Variants in UPP2 observed in about 807,000 individuals in gnomAD.
UPP2 encodes uridine phosphorylase 2, also known as UPase 2.
Under a neutral mutation model 26.7 loss-of-function variants are expected in UPP2, and 23 were observed. The ratio of observed to expected loss-of-function variants is 0.86; its 90% confidence interval spans 0.62 to 1.22. The LOEUF (loss-of-function observed/expected upper bound fraction) is 1.22. Among genes scored for constraint, UPP2 ranks in the 50% most tolerant of loss-of-function variants. The pLI is 0.00. For synonymous variants in UPP2, 127 were observed against 141.3 expected (o/e 0.90, Z 0.72); for missense variants, 387 against 396.7 (o/e 0.98, Z 0.21).
chr2:158,128,162 T>A, intron 6 of UPP2: 1 of 321,936 alleles, frequency 3.1e-6, no homozygotes, highest in Non-Finnish European at 4.5e-6. Flanking sequence ...CTTCTATGTC[T>A]AGTTGTTTGC....
chr2:157,998,021 C>G (rs1485532904), intron 2 of UPP2, among the ~76,000 whole-genome samples: 1 of 152,056 alleles, frequency 6.6e-6, no homozygotes, highest in Non-Finnish European at 1.5e-5. Flanking sequence ...TTCTAAGGGT[C>G]TTTTTCATAA....
In UPP2 at chr2:158,085,713, G is replaced by T. The variant is rs371200478; in HGVS notation, c.148-16327G>T. Among the ~76,000 whole-genome samples, 18 of 152,106 alleles carry T rather than the reference G, an allele frequency of 1.2e-4. No individual in the cohort carries two copies. In the East Asian group the frequency reaches 3.5e-3, roughly 29 times the overall value. On this transcript the variant is annotated intron_variant, in intron 3 of 9. Coordinates refer to the UPP2 transcript ENST00000605860. The stretch of plus-strand genomic sequence containing the variant: ...TTTGCTGAGGGTTTTAATCATAAAG[G>T]GATGCTGGATTTTGTCAAATGCTTT...
At chr2:158,103,140 T>A (rs10211260) in intron 1 of UPP2, among the ~76,000 whole-genome samples, 43,835 of 152,132 alleles carry the variant, frequency 0.29, 8,253 homozygotes, top group Middle Eastern at 0.42. Flanking sequence ...AAATTTGGCA[T>A]GAAATCCCAA....
At chr2:158,069,014 TC>T (rs1402908181) in intron 3 of UPP2, among the ~76,000 whole-genome samples, 1 of 150,908 alleles carries the variant, frequency 6.6e-6, no homozygotes, top group African/African-American at 2.4e-5. Flanking sequence ...AGACGAGGTT[TC>T]ACTGTGTTAG....
chr2:158,056,204 T>C (rs1439764861), intron 3 of UPP2, among the ~76,000 whole-genome samples: 2 of 152,182 alleles, frequency 1.3e-5, no homozygotes, highest in Non-Finnish European at 2.9e-5. Context: ...TTTTAAAATA[T>C]ACTTTATTTT....
chr2:158,003,722 A>AT (rs1008246860), intron 2 of UPP2, among the ~76,000 whole-genome samples: 16 of 151,674 alleles, frequency 1.1e-4, no homozygotes, highest in East Asian at 3.9e-4. Context: ...AATAAAAAAA[A>AT]AAAAAAAAGA....
intron 3 of UPP2, among the ~76,000 whole-genome samples, chr2:158,059,999 T>G (rs1461820822): frequency 6.6e-6 from 1 of 152,162 alleles, no homozygotes; most frequent in African/African-American, 2.4e-5. Flanking sequence ...GTGAATAACT[T>G]ATAGGCATTA....
At chr2:158,113,968 T>TTG (rs1683370628) in intron 2 of UPP2, among the ~76,000 whole-genome samples, 2 of 152,246 alleles carry the variant, frequency 1.3e-5, no homozygotes, top group African/African-American at 4.8e-5. Flanking sequence ...GTGTCTGGAC[T>TTG]TGTGCAATGT....
chr2:158,009,377 T>C (rs531769678), intron 2 of UPP2, among the ~76,000 whole-genome samples: 24 of 152,302 alleles, frequency 1.6e-4, no homozygotes, highest in African/African-American at 5.8e-4. Flanking sequence ...ACCCCTAACA[T>C]TTTGTACAAG....
At chr2:158,065,427 G>A (rs1286522442) in intron 3 of UPP2, 2 of 253,050 alleles carry the variant, frequency 7.9e-6, no homozygotes, top group African/African-American at 2.3e-5. Context: ...CATACTCAAA[G>A]CACTGAGAAT....
chr2:158,040,298 T>C (rs116717526), intron 3 of UPP2, among the ~76,000 whole-genome samples: 5 of 152,188 alleles, frequency 3.3e-5, no homozygotes, highest in Admixed American at 3.3e-4. Flanking sequence ...GCCTCAGTTA[T>C]ATTGTTTGTA....
At chr2:158,092,208 T>G (rs13412267) in intron 3 of UPP2, among the ~76,000 whole-genome samples, 3,227 of 152,198 alleles carry the variant, frequency 0.021, 120 homozygotes, top group African/African-American at 0.07. Flanking sequence ...AGTGAGAATT[T>G]CCTAAAATTG....
Position 157,996,029 on chromosome 2 carries a change from T to A in UPP2, c.61+770T>A, listed in dbSNP as rs189950299. Among the ~76,000 whole-genome samples the A allele has an allele frequency of 3.3e-5, 5 of 152,348 alleles. No individual in the cohort carries two copies. The East Asian group carries it at 9.6e-4, about 29-fold the overall frequency. On this transcript the variant is annotated intron_variant, in intron 2 of 9. Transcript: ENST00000605860. ...ATATAGTCCCAGCTCAATGTGGGAA[T>A]GCCTGTTTGCATAAACCTGTTTTTA...
At chr2:158,009,715 C>T (rs376353756) in intron 2 of UPP2, among the ~76,000 whole-genome samples, 1 of 152,210 alleles carries the variant, frequency 6.6e-6, no homozygotes, top group East Asian at 1.9e-4. Context: ...AACAGGAATG[C>T]TTCCTCTTTG....
At chr2:158,076,584 AT>A (rs1249049696) in intron 3 of UPP2, among the ~76,000 whole-genome samples, 17 of 152,254 alleles carry the variant, frequency 1.1e-4, no homozygotes, top group Admixed American at 8.5e-4. Flanking sequence ...GATTATGTCA[AT>A]TGATGCTGAA....
intron 2 of UPP2, among the ~76,000 whole-genome samples, chr2:158,008,481 C>T (rs1683528172): frequency 6.6e-6 from 1 of 152,112 alleles, no homozygotes; most frequent in African/African-American, 2.4e-5. Context: ...CTTAGGCTAA[C>T]CTTGGAATTT....
At chr2:158,074,456 A>C (rs1217076299) in intron 3 of UPP2, among the ~76,000 whole-genome samples, 1 of 152,088 alleles carries the variant, frequency 6.6e-6, no homozygotes, top group African/African-American at 2.4e-5. Flanking sequence ...AGTTTTTATT[A>C]GTTTTTTTGT....
chr2:158,066,567 C>T (rs1162414190), intron 3 of UPP2, among the ~76,000 whole-genome samples: 2 of 151,824 alleles, frequency 1.3e-5, no homozygotes, highest in African/African-American at 2.4e-5. Context: ...TTTGCCTGCT[C>T]ACTCCATGTT....
chr2:158,129,558 GTC>G (rs1683766108), intron 6 of UPP2, among the ~76,000 whole-genome samples: 1 of 151,968 alleles, frequency 6.6e-6, no homozygotes, highest in Admixed American at 6.6e-5. Flanking sequence ...GACATCTCCT[GTC>G]TCCTGATCAC....
Sources: allele counts gnomAD v4.1 joint callset (sites outside exome capture counted in the v4.1 genomes callset), GRCh38; gene constraint gnomAD v4.1.1; transcripts MANE v1.5; gene names NCBI Gene and HGNC (gene_info 2026-07-23, HGNC 2026-07-21).